GET3: variants seen among roughly 807,000 people sequenced by gnomAD.
GET3 encodes ATPase GET3.
Under a neutral mutation model 32.4 loss-of-function variants are expected in GET3, and 15 were observed. The observed-to-expected ratio is 0.46, with a 90% CI of 0.31 to 0.71. The LOEUF is 0.71. GET3 is among the 30% of genes least tolerant of loss of function. The pLI, the probability that GET3 is intolerant of heterozygous loss-of-function variation, is 0.05. For synonymous variants in GET3, 198 were observed against 185.6 expected (o/e 1.07, Z -0.54); for missense variants, 333 against 459.0 (o/e 0.73, Z 2.51).
chr19:12,746,942 G>A (rs1487125718), intron 4 of GET3, among the ~76,000 whole-genome samples: 4 of 151,682 alleles, frequency 2.6e-5, no homozygotes, highest in Admixed American at 6.6e-5. Context: ...CCCAGGAGGC[G>A]GCGGTTGCAG....
chr19:12,743,567 G>A (rs1967710170), intron 2 of GET3, among the ~76,000 whole-genome samples: 1 of 150,894 alleles, frequency 6.6e-6, no homozygotes, highest in Non-Finnish European at 1.5e-5. Flanking sequence ...GAGGTGGGTG[G>A]ATCACGAGGT....
In GET3 at chr19:12,742,984, G is replaced by A. The variant is rs983578183; in HGVS notation, c.310-2393G>A. ...GCTGGATAAGGGTGCCAGCCAAGAGGAACACTGACAGTTTACAGGGGCCAG... is the reference window on the plus strand; with the variant it reads ...GCTGGATAAGGGTGCCAGCCAAGAGAAACACTGACAGTTTACAGGGGCCAG... On this transcript the variant is annotated intron_variant, in intron 2 of 6. Coordinates refer to ENST00000357332, the MANE Select transcript of GET3 (RefSeq NM_004317.4). 1.3e-4 allele frequency among the ~76,000 whole-genome samples: 20 copies of A among 152,300 alleles called. 1 individual carries two copies. Among genetic ancestry groups the A allele is most frequent in the African/African-American group, 4.6e-4 (19 of 41,560 alleles).
intron 2 of GET3, among the ~76,000 whole-genome samples, chr19:12,739,462 C>T (rs976443952): frequency 3.3e-5 from 5 of 152,086 alleles, no homozygotes; most frequent in Admixed American, 6.5e-5. Context: ...CACCACATCG[C>T]ACCAGGGATG....
intron 2 of GET3, among the ~76,000 whole-genome samples, chr19:12,743,454 CAA>C (rs1967707162): frequency 6.6e-6 from 1 of 150,752 alleles, no homozygotes; most frequent in Non-Finnish European, 1.5e-5. Flanking sequence ...GCCTAGACAA[CAA>C]GAGTGAAACT....
At chr19:12,743,024 T>C (rs1451652902) in intron 2 of GET3, among the ~76,000 whole-genome samples, 3 of 152,004 alleles carry the variant, frequency 2.0e-5, no homozygotes, top group African/African-American at 7.3e-5. Context: ...GGGGATGAAG[T>C]AGTCCAAAGA....
At chr19:12,738,770 C>G in intron 2 of GET3, 112 bp downstream of exon 2, 1 of 1,357,478 alleles carries the variant, frequency 7.4e-7, no homozygotes, top group Non-Finnish European at 1.0e-6. Context: ...CTGTGTCTCT[C>G]GTGTTTCACT....
chr19:12,740,050 G>C (rs577856612), intron 2 of GET3, among the ~76,000 whole-genome samples: 3 of 151,126 alleles, frequency 2.0e-5, no homozygotes, highest in Admixed American at 6.6e-5. Flanking sequence ...GCTAATTTTT[G>C]TATTTTTAGT....
At position 12,737,664 on chromosome 19, in the gene GET3, C is replaced by T. The variant is rs1409374841; in HGVS notation, c.159C>T (p.Cys53=). ...AGGGTGGTGTGGGCAAGACCACCTG[C>T]AGGTAAGGAGGCTGCGGCGGGGGCC... ...GGKGGVGKTT[C]SCSLAVQLSK... Residue 53 remains cysteine (C), a splice_region_variant and synonymous_variant, in exon 1 of 7, where the codon TGC becomes TGT. Transcript: ENST00000357332. The T allele has an allele frequency of 6.2e-7, 1 of 1,608,194 alleles. No homozygotes were observed. Among genetic ancestry groups the T allele is most frequent in the Non-Finnish European group, 8.5e-7 (1 of 1,178,336 alleles).
Position 12,745,905 on chromosome 19 carries a change from C to T in GET3, c.609+146C>T, listed in dbSNP as rs906936444. Reference sequence around the variant, plus strand: ...GGACTTCTCCCTGGAGGGGATGGGACGGAGCTGTCTTTCCTCCCCCACAGG... The same window carrying T: ...GGACTTCTCCCTGGAGGGGATGGGATGGAGCTGTCTTTCCTCCCCCACAGG... On this transcript the variant is annotated intron_variant, in intron 4 of 6. Transcript: ENST00000357332. The surrounding 1 kb of genome is among the most constrained non-coding windows in gnomAD (Gnocchi z 5.0). 2.6e-5 allele frequency: 31 copies of T among 1,189,376 alleles called. No homozygotes were observed. The Admixed American group carries it at 5.6e-4, about 22-fold the overall frequency. 73.7% of individuals were successfully genotyped at this position (1,189,376 alleles called of 1,614,324 possible).
At position 12,747,021 on chromosome 19, in the gene GET3, A is replaced by AT. The variant is rs1455246041; in HGVS notation, c.610-176_610-175insT. Among the ~76,000 whole-genome samples the AT allele has an allele frequency of 2.6e-5, 4 of 151,888 alleles. No individual in the cohort carries two copies. Among genetic ancestry groups the AT allele is most frequent in the Non-Finnish European group, 5.9e-5 (4 of 67,946 alleles). On this transcript the variant is annotated intron_variant, in intron 4 of 6. Transcript: ENST00000357332. The surrounding 1 kb of genome is among the most constrained non-coding windows in gnomAD (Gnocchi z 4.0). ...TGAGACTCCATTTCAAAAAAAAAAA[A>AT]AAAAGAAAGAAAGAAATGGAAAAGC...
intron 2 of GET3, among the ~76,000 whole-genome samples, chr19:12,741,942 G>A (rs1334243372): frequency 6.6e-6 from 1 of 152,132 alleles, no homozygotes; most frequent in Non-Finnish European, 1.5e-5. Context: ...AGCAAGATGG[G>A]AATACTCTTC....
Position 12,738,535 on chromosome 19 carries a change from C to T in GET3, c.186C>T (p.Ser62=). The part of the protein sequence containing the change: ...TCSCSLAVQL[S]KGRESVLIIS... ...GCTGCAGCCTGGCAGTCCAGCTCTC[C>T]AAGGGGCGTGAGAGTGTTCTGATCA... The change falls in exon 2 of 7, where the codon TCC becomes TCT. Residue 62 remains serine (S), a synonymous_variant. Coordinates refer to ENST00000357332, the MANE Select transcript of GET3 (RefSeq NM_004317.4). 1 of 1,614,140 alleles carries T rather than the reference C, an allele frequency of 6.2e-7. No individual in the cohort carries two copies. The highest frequency in any genetic ancestry group is 8.5e-7 in the Non-Finnish European group (1 of 1,180,028).
chr19:12,746,954 G>A (rs567304058), intron 4 of GET3, among the ~76,000 whole-genome samples: 1 of 149,772 alleles, frequency 6.7e-6, no homozygotes, highest in African/African-American at 2.5e-5. Flanking sequence ...CGGTTGCAGT[G>A]AGCCAAAATC....
chr19:12,741,146 A>G (rs1967660055), intron 2 of GET3, among the ~76,000 whole-genome samples: 1 of 151,424 alleles, frequency 6.6e-6, no homozygotes, highest in Non-Finnish European at 1.5e-5. Flanking sequence ...AGATGGTGGA[A>G]CTCCATCTCT....
At chr19:12,741,868 G>A (rs748558469) in intron 2 of GET3, among the ~76,000 whole-genome samples, 6 of 152,142 alleles carry the variant, frequency 3.9e-5, no homozygotes, top group Non-Finnish European at 8.8e-5. Context: ...ACAGTGAGTC[G>A]AGATTGTGCC....
chr19:12,737,695 G>A, intron 1 of GET3, 29 bp downstream of exon 1: 5 of 1,599,452 alleles, frequency 3.1e-6, no homozygotes, highest in Non-Finnish European at 4.2e-6. Flanking sequence ...GGGCCAGGAG[G>A]CGTGTAGGAT....
chr19:12,746,217 C>T (rs1236674461), intron 4 of GET3, among the ~76,000 whole-genome samples: 1 of 152,176 alleles, frequency 6.6e-6, no homozygotes, highest in Non-Finnish European at 1.5e-5. Flanking sequence ...ATTGCAACCT[C>T]CACCTCGTGG....
intron 4 of GET3, among the ~76,000 whole-genome samples, chr19:12,746,590 G>GACACT (rs989407709): frequency 1.3e-5 from 2 of 152,250 alleles, no homozygotes; most frequent in African/African-American, 4.8e-5. Flanking sequence ...CTGTGTGCCA[G>GACACT]ACACTATTCT....
chr19:12,740,447 C>T (rs1568348108), intron 2 of GET3, among the ~76,000 whole-genome samples: 2 of 151,836 alleles, frequency 1.3e-5, no homozygotes, highest in South Asian at 2.1e-4. Context: ...GAGGCTGAGG[C>T]GGGCAGATCA....
Sources: allele counts gnomAD v4.1 joint callset (sites outside exome capture counted in the v4.1 genomes callset), GRCh38; gene constraint gnomAD v4.1.1; non-coding constraint Gnocchi (gnomAD v3.1); transcripts MANE v1.5; gene names NCBI Gene and HGNC (gene_info 2026-07-23, HGNC 2026-07-21).